Variants in CFAP43 observed in about 807,000 individuals in gnomAD.
CFAP43 encodes the protein cilia- and flagella-associated protein 43.
In CFAP43, 155 loss-of-function variants were observed where a neutral mutation model predicts 218.9. That is an observed-to-expected ratio of 0.71 (90% CI 0.62 to 0.81). The LOEUF (loss-of-function observed/expected upper bound fraction) is 0.81, where lower values mean the gene tolerates loss of function less well. CFAP43 is among the 30% of genes least tolerant of loss of function. The pLI is 0.00. For missense variants in CFAP43, 1,778 were observed against 1,954.3 expected (o/e 0.91, Z 1.70); for synonymous variants, 645 against 681.3 (o/e 0.95, Z 0.83).
rs771244457 is a variant in CFAP43, at chr10:104,132,216, CAT to C, written c.4597-22_4597-21del. The C allele has an allele frequency of 3.3e-6, 5 of 1,497,480 alleles. No individual in the cohort carries two copies. The highest frequency in any genetic ancestry group is 1.8e-6 in the Non-Finnish European group (2 of 1,097,158). 92.8% of individuals were successfully genotyped at this position (1,497,480 alleles called of 1,614,324 possible). ...TAGGTACTTTGAGATTAAAAAAAAA[CAT>C]GTAAGGATATTTTTCTCTCTTTCAA... On this transcript the variant is annotated intron_variant, in intron 35 of 37. Transcript: ENST00000357060.
At chr10:104,226,276 G>A (rs2091303089) in intron 2 of CFAP43, among the ~76,000 whole-genome samples, 1 of 152,126 alleles carries the variant, frequency 6.6e-6, no homozygotes, top group Non-Finnish European at 1.5e-5. Context: ...TGCTTGTTCT[G>A]TGGATTTTTA....
chr10:104,180,364 C>G (rs892518086), intron 17 of CFAP43, among the ~76,000 whole-genome samples: 7 of 152,038 alleles, frequency 4.6e-5, no homozygotes, highest in Non-Finnish European at 8.8e-5. Flanking sequence ...CAACAGCATC[C>G]AAACATGCTC....
chr10:104,129,896 G>A lies in CFAP43; in HGVS notation c.*243C>T. The A allele has an allele frequency of 2.6e-6, 1 of 379,562 alleles. No homozygotes were observed. The highest frequency in any genetic ancestry group is 4.8e-5 in the Admixed American group (1 of 20,736). 23.5% of individuals were successfully genotyped at this position (379,562 alleles called of 1,614,324 possible). A position where few individuals can be genotyped will look rare whatever the true frequency, so the allele number is the denominator to read the frequency against. Reference sequence around the variant, plus strand: ...GTAAAATAGATCTTGAATACTTTCTGACTTCAAGTCTTGTTTATTCTTGAA... The same window carrying A: ...GTAAAATAGATCTTGAATACTTTCTAACTTCAAGTCTTGTTTATTCTTGAA... On this transcript the variant is annotated 3_prime_UTR_variant, in exon 38 of 38. Coordinates refer to ENST00000357060, the MANE Select transcript of CFAP43 (RefSeq NM_025145.7).
Position 104,187,320 on chromosome 10 carries a change from T to A in CFAP43, c.1860A>T (p.Glu620Asp). ...AGAGCACACTTAAGTGTTGACATAC[T>A]TCTTCAGGAAGAAGGTAGCTACAGA... ...PYICSYLLPE[E>D]EHTGIYILKP... Residue 620 changes from glutamate to aspartate, a missense_variant and splice_region_variant, in exon 14 of 38, where the codon GAA (glutamate) becomes GAT (aspartate). Glu to Asp is a conservative substitution (Grantham distance 45, BLOSUM62 2). Transcript: ENST00000357060. 2.5e-6 allele frequency: 4 copies of A among 1,594,930 alleles called. No homozygotes were observed. Among genetic ancestry groups the A allele is most frequent in the Non-Finnish European group, 3.4e-6 (4 of 1,174,148 alleles).
chr10:104,147,961 A>G lies in CFAP43; in HGVS notation c.3698T>C (p.Leu1233Ser), dbSNP rs777070654. 2.1e-5 allele frequency: 34 copies of G among 1,596,866 alleles called. No homozygotes were observed. Among genetic ancestry groups the G allele is most frequent in the Non-Finnish European group, 2.8e-5 (33 of 1,171,028 alleles). The change falls in exon 29 of 38, where the codon TTG becomes TCG. Residue 1233 changes from leucine (L) to serine (S), a missense_variant. Around this residue, in one of 3 missense-constraint regions of CFAP43, gnomAD observed 1,553 missense variants for 1,685.2 expected, o/e 0.92. Transcript: ENST00000357060. ...LKISNLAFSLLLDEELSSREK... is the reference protein window; with the variant it reads ...LKISNLAFSLSLDEELSSREK... ...TCTAGAGCTTAATTCTTCATCCAAC[A>G]ATAAAGAAAATGCAAGGTTACTTAT...
chr10:104,130,896 G>T (rs1156441418), intron 37 of CFAP43, among the ~76,000 whole-genome samples: 6 of 151,542 alleles, frequency 4.0e-5, no homozygotes, highest in African/African-American at 1.5e-4. Flanking sequence ...CACTTGAGGG[G>T]GCTGAGGTGG....
At position 104,225,500 on chromosome 10, in the gene CFAP43, G is replaced by C. The variant is rs1286063175; in HGVS notation, c.377C>G (p.Ala126Gly). 1 of 1,612,990 alleles carries C rather than the reference G, an allele frequency of 6.2e-7. No individual in the cohort carries two copies. The highest frequency in any genetic ancestry group is 2.2e-5 in the East Asian group (1 of 44,794). ...AAATTCTGGGAGAGAGGAGTAACTAGCCAGGTAGGTGCCACAGTAACTGAA... is the reference window on the plus strand; with the variant it reads ...AAATTCTGGGAGAGAGGAGTAACTACCCAGGTAGGTGCCACAGTAACTGAA... ...LSFSYCGTYL[A>G]SYSSLPEFEL... The change falls in exon 3 of 38, where the codon GCT (alanine) becomes GGT (glycine). Residue 126 changes from alanine to glycine, a missense_variant. Transcript: ENST00000357060.
At chr10:104,198,062 A>G (rs1370731761) in intron 8 of CFAP43, 24 bp from the exon 9 acceptor site, 5 of 1,377,132 alleles carry the variant, frequency 3.6e-6, no homozygotes, top group South Asian at 1.2e-5. Context: ...AAAAGAAAAG[A>G]AACACATTGT....
chr10:104,150,103 G>GTACC (rs199800908), intron 28 of CFAP43, among the ~76,000 whole-genome samples: 2,794 of 152,224 alleles, frequency 0.018, 43 homozygotes, highest in Middle Eastern at 0.048. Context: ...CATCCATGTT[G>GTACC]TACCATATAT....
At chr10:104,184,584 G>A (rs768055726) in intron 16 of CFAP43, among the ~76,000 whole-genome samples, 3 of 151,552 alleles carry the variant, frequency 2.0e-5, no homozygotes, top group Non-Finnish European at 4.4e-5. Context: ...AAAGCAAACC[G>A]ATCAATCCAG....
chr10:104,178,178 G>A (rs954351699), intron 19 of CFAP43, among the ~76,000 whole-genome samples: 4 of 152,128 alleles, frequency 2.6e-5, no homozygotes, highest in African/African-American at 4.8e-5. Context: ...TCTCTAGGAC[G>A]GCAGCCATAC....
At chr10:104,210,229 T>A (rs1026489402) in intron 5 of CFAP43, among the ~76,000 whole-genome samples, 1 of 152,264 alleles carries the variant, frequency 6.6e-6, no homozygotes, top group Non-Finnish European at 1.5e-5. Context: ...AGATTGACTA[T>A]AATCTCTTTC....
chr10:104,158,961 A>G (rs966135617), intron 27 of CFAP43, among the ~76,000 whole-genome samples: 33 of 152,196 alleles, frequency 2.2e-4, no homozygotes, highest in Admixed American at 1.5e-3. Flanking sequence ...TGGTATATAG[A>G]TGGTACTATT....
chr10:104,210,756 C>T (rs1336881417), intron 5 of CFAP43, among the ~76,000 whole-genome samples: 1 of 147,492 alleles, frequency 6.8e-6, no homozygotes, highest in Non-Finnish European at 1.5e-5. Flanking sequence ...GGGCCTTGCA[C>T]ATGCAGGTCC....
At chr10:104,203,369 C>T in intron 8 of CFAP43, 1 of 356,648 alleles carries the variant, frequency 2.8e-6, no homozygotes, top group Non-Finnish European at 5.0e-6. Context: ...GGAGAGTCTG[C>T]ATGGAAATGG....
chr10:104,197,605 C>T (rs139252427), intron 9 of CFAP43, among the ~76,000 whole-genome samples: 192 of 152,286 alleles, frequency 1.3e-3, no homozygotes, highest in Middle Eastern at 3.4e-3. Flanking sequence ...GTTTTAAAAA[C>T]GTGTTAAAGC....
chr10:104,164,141 C>T lies in CFAP43; in HGVS notation c.3199G>A (p.Glu1067Lys), dbSNP rs2089025531. The T allele has an allele frequency of 6.2e-7, 1 of 1,614,190 alleles. No homozygotes were observed. Among genetic ancestry groups the T allele is most frequent in the Non-Finnish European group, 8.5e-7 (1 of 1,180,028 alleles). ...LEEAVWQPEF[E>K]DCEKPERTLV... ...GTTCTCTCTGGCTTCTCACAGTCTT[C>T]AAATTCTGGTTGCCAGACTGCTTCT... is the stretch of plus-strand genomic sequence containing the variant. The change falls in exon 24 of 38, where the codon GAA (glutamate) becomes AAA (lysine). Residue 1067 changes from glutamate to lysine, a missense_variant. Glu to Lys is a moderately conservative substitution (Grantham distance 56). Transcript: ENST00000357060.
At chr10:104,156,872 G>A (rs2088575345) in intron 27 of CFAP43, among the ~76,000 whole-genome samples, 1 of 152,106 alleles carries the variant, frequency 6.6e-6, no homozygotes, top group African/African-American at 2.4e-5. Flanking sequence ...TAAATCGGTG[G>A]CAAAAACACA....
chr10:104,130,909 G>A lies in CFAP43; in HGVS notation c.4831+422C>T, dbSNP rs546840115. ...GGCACTTGAGGGGGCTGAGGTGGGA[G>A]GATCAATTGAGCCCAGGAGGTGGAG... On this transcript the variant is annotated intron_variant, in intron 37 of 37. Coordinates refer to ENST00000357060, the MANE Select transcript of CFAP43 (RefSeq NM_025145.7). 1.4e-4 allele frequency among the ~76,000 whole-genome samples: 21 copies of A among 150,820 alleles called. No homozygotes were observed. In the South Asian group the frequency reaches 4.4e-3, roughly 32 times the overall value.
Sources: allele counts gnomAD v4.1 joint callset (sites outside exome capture counted in the v4.1 genomes callset), GRCh38; gene constraint gnomAD v4.1.1; regional missense constraint gnomAD v4.1.1; transcripts MANE v1.5; gene names NCBI Gene and HGNC (gene_info 2026-07-23, HGNC 2026-07-21).